The following SIPA1L2 variants were observed in gnomAD, a reference collection of about 807,000 sequenced individuals.
The protein encoded by SIPA1L2 is signal induced proliferation associated 1 like 2, also known as signal-induced proliferation-associated 1-like protein 2.
SIPA1L2 carries 56 observed loss-of-function variants against 163.9 expected under a neutral mutation model. The ratio of observed to expected loss-of-function variants is 0.34; its 90% confidence interval spans 0.28 to 0.43. The LOEUF (loss-of-function observed/expected upper bound fraction) is 0.43. SIPA1L2 is among the 20% of genes least tolerant of loss of function. The pLI is 1.00. For synonymous variants in SIPA1L2, 877 were observed against 865.7 expected (o/e 1.01, Z -0.23); for missense variants, 1,974 against 2,193.5 (o/e 0.90, Z 2.00).
At chr1:232,562,768 C>T (rs926814271) in intron 2 of SIPA1L2, among the ~76,000 whole-genome samples, 2 of 152,142 alleles carry the variant, frequency 1.3e-5, no homozygotes, top group Non-Finnish European at 2.9e-5. Context: ...GCAAATAAAA[C>T]GCATCATCAG....
chr1:232,459,506 A>C (rs12138555), intron 10 of SIPA1L2, among the ~76,000 whole-genome samples: 27,789 of 152,108 alleles, frequency 0.18, 2,714 homozygotes, highest in Non-Finnish European at 0.21. Flanking sequence ...TGAATATGCT[A>C]AAGTTTTATT....
intron 3 of SIPA1L2, among the ~76,000 whole-genome samples, chr1:232,512,839 C>T (rs1376600366): frequency 6.6e-6 from 1 of 152,096 alleles, no homozygotes; most frequent in African/African-American, 2.4e-5. Flanking sequence ...ACAGTGAGCT[C>T]CCAGCTATCT....
At chr1:232,462,151 G>T in intron 9 of SIPA1L2, 3 of 1,329,834 alleles carry the variant, frequency 2.3e-6, no homozygotes, top group African/African-American at 1.5e-5. Context: ...ATCCCACTTG[G>T]TACATTAAAG....
At position 232,515,470 on chromosome 1, in the gene SIPA1L2, C is replaced by T. The variant is rs1667180618; in HGVS notation, c.-131G>A. On this transcript the variant is annotated 5_prime_UTR_variant, in exon 3 of 23. Coordinates refer to ENST00000674635, the MANE Select transcript of SIPA1L2 (RefSeq NM_020808.5). ...GTAGTTGTATTTTTTCTTTTCTTAG[C>T]CCAAAGCAAACAACATCCTCAGAAT... 2.0e-6 allele frequency: 2 copies of T among 990,872 alleles called. No individual in the cohort carries two copies. Among genetic ancestry groups the T allele is most frequent in the Non-Finnish European group, 2.8e-6 (2 of 705,462 alleles). The allele number at this position is 990,872 out of a possible 1,614,324, so 61.4% of individuals were successfully genotyped here.
chr1:232,479,604 G>T, intron 7 of SIPA1L2, 23 bp downstream of exon 7: 1 of 1,592,460 alleles, frequency 6.3e-7, no homozygotes, highest in Non-Finnish European at 8.6e-7. Context: ...AGCGTAAAAA[G>T]CTCCAGGCTG....
intron 1 of SIPA1L2, among the ~76,000 whole-genome samples, chr1:232,589,043 A>G (rs1660830158): frequency 1.3e-5 from 2 of 152,196 alleles, no homozygotes. Context: ...AAGGCATGAG[A>G]CTAAAATAAT....
At chr1:232,459,010 T>C (rs936877073) in intron 10 of SIPA1L2, among the ~76,000 whole-genome samples, 5 of 152,202 alleles carry the variant, frequency 3.3e-5, no homozygotes, top group Non-Finnish European at 5.9e-5. Flanking sequence ...TAAATCCTTA[T>C]TTTATAAACA....
Position 232,439,095 on chromosome 1 carries a change from C to A in SIPA1L2, c.4031+13G>T. 6.3e-7 allele frequency: 1 copy of A among 1,588,226 alleles called. No individual in the cohort carries two copies. Among genetic ancestry groups the A allele is most frequent in the South Asian group, 1.1e-5 (1 of 87,096 alleles). ...CACCAGCAGGTACTACTCTGCAGTG[C>A]TGTGGGGCTTACCTGGAATGAGAGG... is the stretch of plus-strand genomic sequence containing the variant. On this transcript the variant is annotated intron_variant, in intron 15 of 22. Transcript: ENST00000674635.
chr1:232,477,759 C>A (rs1391005950), intron 7 of SIPA1L2, among the ~76,000 whole-genome samples: 1 of 152,096 alleles, frequency 6.6e-6, no homozygotes. Flanking sequence ...GATTACGCTT[C>A]AATGAAAGGG....
chr1:232,590,014 G>A (rs1573134048), intron 1 of SIPA1L2, among the ~76,000 whole-genome samples: 1 of 152,280 alleles, frequency 6.6e-6, no homozygotes, highest in East Asian at 1.9e-4. Flanking sequence ...GGAAGTCATC[G>A]CTCTATCTCA....
chr1:232,436,293 A>C (rs1376196526), intron 15 of SIPA1L2, among the ~76,000 whole-genome samples: 1 of 152,248 alleles, frequency 6.6e-6, no homozygotes, highest in African/African-American at 2.4e-5. Flanking sequence ...TCAAAACACG[A>C]ATGCTCCAGT....
At chr1:232,403,232 C>T (rs977596498) in intron 21 of SIPA1L2, among the ~76,000 whole-genome samples, 1 of 152,192 alleles carries the variant, frequency 6.6e-6, no homozygotes, top group Admixed American at 6.5e-5. Flanking sequence ...CAGGGTGTGC[C>T]CATGGAGCAG....
chr1:232,497,457 A>G (rs1273400008), intron 3 of SIPA1L2, among the ~76,000 whole-genome samples: 2 of 152,056 alleles, frequency 1.3e-5, no homozygotes, highest in African/African-American at 4.8e-5. Context: ...CAGTGGGGAC[A>G]GTACCTATTC....
At chr1:232,602,635 A>G (rs2102857268) in intron 1 of SIPA1L2, among the ~76,000 whole-genome samples, 1 of 146,708 alleles carries the variant, frequency 6.8e-6, no homozygotes, top group East Asian at 1.9e-4. Context: ...GGCCACCCTC[A>G]GAAGGTTATT....
chr1:232,423,865 T>C (rs1661721212), intron 18 of SIPA1L2, among the ~76,000 whole-genome samples: 1 of 152,168 alleles, frequency 6.6e-6, no homozygotes, highest in Non-Finnish European at 1.5e-5. Context: ...TATTACTAAG[T>C]AGAAGAGGCC....
intron 1 of SIPA1L2, among the ~76,000 whole-genome samples, chr1:232,622,045 G>GA (rs1486023101): frequency 6.6e-6 from 1 of 152,266 alleles, no homozygotes; most frequent in South Asian, 2.1e-4. Context: ...TTTTAAATGG[G>GA]AAAAATGACC....
intron 1 of SIPA1L2, among the ~76,000 whole-genome samples, chr1:232,586,798 CTT>C (rs777203465): frequency 5.3e-5 from 8 of 152,356 alleles, no homozygotes; most frequent in Non-Finnish European, 8.8e-5. Flanking sequence ...AAACAGGAGT[CTT>C]TGTCACAAAC....
At chr1:232,399,718 A>G (rs771930723) in intron 22 of SIPA1L2, among the ~76,000 whole-genome samples, 3 of 152,194 alleles carry the variant, frequency 2.0e-5, no homozygotes, top group Non-Finnish European at 4.4e-5. Context: ...CTTTCCTGCT[A>G]TACTATATTT....
At chr1:232,589,686 TG>T (rs780342938) in intron 1 of SIPA1L2, among the ~76,000 whole-genome samples, 1 of 152,182 alleles carries the variant, frequency 6.6e-6, no homozygotes, top group Non-Finnish European at 1.5e-5. Context: ...ATTCCACACT[TG>T]GATGCTTTTC....
Sources: allele counts gnomAD v4.1 joint callset (sites outside exome capture counted in the v4.1 genomes callset), GRCh38; gene constraint gnomAD v4.1.1; transcripts MANE v1.5; gene names NCBI Gene and HGNC (gene_info 2026-07-23, HGNC 2026-07-21).